Variants in PTPRK observed in about 807,000 individuals in gnomAD.
PTPRK encodes receptor-type tyrosine-protein phosphatase kappa.
Under a neutral mutation model 178.0 loss-of-function variants are expected in PTPRK, and 75 were observed. The ratio of observed to expected loss-of-function variants is 0.42; its 90% CI spans 0.35 to 0.51. The LOEUF is 0.51. Among genes scored for constraint, PTPRK ranks in the 20% least tolerant of loss-of-function variants. The probability of loss-of-function intolerance (pLI) is 0.02; values close to 1 mark genes in which losing one functional copy is unlikely to be tolerated. For synonymous variants in PTPRK, 637 were observed against 620.6 expected, an observed-to-expected ratio of 1.03 and a Z score of -0.39; for missense variants, 1,441 against 1,797.8, an observed-to-expected ratio of 0.80 and a Z score of 3.59.
At chr6:128,020,642 A>G (rs1392686461) in intron 13 of PTPRK, among the ~76,000 whole-genome samples, 1 of 152,240 alleles carries the variant, frequency 6.6e-6, no homozygotes, top group Non-Finnish European at 1.5e-5. Flanking sequence ...GAACAAAATC[A>G]CATTTGAATA....
At chr6:128,226,340 G>A (rs1223990023) in intron 5 of PTPRK, among the ~76,000 whole-genome samples, 1 of 152,114 alleles carries the variant, frequency 6.6e-6, no homozygotes, top group African/African-American at 2.4e-5. Context: ...CAATATCTAA[G>A]CAAATAATCT....
intron 28 of PTPRK, 124 bp from the exon 29 acceptor site, chr6:127,973,281 T>C (rs1285326160): frequency 2.7e-6 from 4 of 1,489,608 alleles, no homozygotes; most frequent in Non-Finnish European, 3.6e-6. Context: ...GTGTCTTAAT[T>C]TTGCTTTATA....
chr6:128,501,504 T>A lies in PTPRK; in HGVS notation c.100+18755A>T, dbSNP rs138793283. Among the ~76,000 whole-genome samples, 379 of 152,302 alleles carry A rather than the reference T, an allele frequency of 2.5e-3. 3 individuals are homozygous for A. Among genetic ancestry groups the A allele is most frequent in the Middle Eastern group, 0.01 (3 of 294 alleles). ...AACTTTCTTACAATATGCCTTAAAATGTGAATATCTTAGTTTTAGACACTA... is the reference window on the plus strand; with the variant it reads ...AACTTTCTTACAATATGCCTTAAAAAGTGAATATCTTAGTTTTAGACACTA... On this transcript the variant is annotated intron_variant, in intron 1 of 29. Transcript: ENST00000368226.
At chr6:128,057,109 A>C (rs2114899149) in intron 13 of PTPRK, among the ~76,000 whole-genome samples, 1 of 152,278 alleles carries the variant, frequency 6.6e-6, no homozygotes, top group South Asian at 2.1e-4. Context: ...ATTATCCCTC[A>C]GATTTCTCTC....
At chr6:128,401,961 T>C (rs1193171081) in intron 1 of PTPRK, among the ~76,000 whole-genome samples, 1 of 152,204 alleles carries the variant, frequency 6.6e-6, no homozygotes, top group Non-Finnish European at 1.5e-5. Context: ...GGAATGATCT[T>C]TCTTCCATTC....
intron 1 of PTPRK, among the ~76,000 whole-genome samples, chr6:128,471,929 G>A (rs1850722450): frequency 6.6e-6 from 1 of 151,912 alleles, no homozygotes; most frequent in Non-Finnish European, 1.5e-5. Flanking sequence ...CAGCTTATGA[G>A]CGGGCAATAA....
chr6:128,197,680 A>G (rs1805142063), intron 6 of PTPRK, among the ~76,000 whole-genome samples: 1 of 152,074 alleles, frequency 6.6e-6, no homozygotes, highest in Admixed American at 6.6e-5. Context: ...TGATATTCAA[A>G]TTACACTCAG....
Position 127,992,695 on chromosome 6 carries a change from T to C in PTPRK, c.2859A>G (p.Pro953=), listed in dbSNP as rs765387331. 2 of 1,584,506 alleles carry C rather than the reference T, an allele frequency of 1.3e-6. No homozygotes were observed. The highest frequency in any genetic ancestry group is 1.7e-6 in the Non-Finnish European group (2 of 1,167,578). ...TACCTTGGGTTGCAATGTAATGACT[T>C]GGTCTCTGGTAGCCCTAAAATAAGA... The part of the protein sequence containing the change: ...NANYIDGYQR[P]SHYIATQGPV... Residue 953 remains proline, a synonymous_variant, in exon 19 of 30, where the codon CCA becomes CCG. Coordinates refer to ENST00000368226, the MANE Select transcript of PTPRK (RefSeq NM_002844.4).
chr6:128,058,224 T>C lies in PTPRK; in HGVS notation c.2194+6534A>G, dbSNP rs566082228. ...GGGACATGGGTTTACTTTCAGTCCA[T>C]GTTGCTAGACAGTTTTCCAAAGTGG... On this transcript the variant is annotated intron_variant, in intron 13 of 29. Coordinates refer to ENST00000368226, the MANE Select transcript of PTPRK (RefSeq NM_002844.4). 2.8e-3 allele frequency among the ~76,000 whole-genome samples: 422 copies of C among 152,340 alleles called. 5 individuals are homozygous for C. The highest frequency in any genetic ancestry group is 9.7e-3 in the African/African-American group (403 of 41,570).
intron 6 of PTPRK, among the ~76,000 whole-genome samples, chr6:128,202,110 G>A (rs1433303318): frequency 6.6e-6 from 1 of 152,196 alleles, no homozygotes; most frequent in African/African-American, 2.4e-5. Flanking sequence ...CGAAGGCAGA[G>A]AGTGAATTCA....
intron 7 of PTPRK, among the ~76,000 whole-genome samples, chr6:128,175,277 T>C (rs1800890244): frequency 6.6e-6 from 1 of 151,886 alleles, no homozygotes; most frequent in Non-Finnish European, 1.5e-5. Context: ...AAGCACTTAC[T>C]TGCACTAAAA....
At chr6:128,009,303 G>T in intron 13 of PTPRK, 35 bp from the exon 14 acceptor site, 1 of 1,584,502 alleles carries the variant, frequency 6.3e-7, no homozygotes, top group South Asian at 1.1e-5. Context: ...GTTACTGAAA[G>T]AAGCTAATAA....
chr6:128,203,244 C>T (rs145522090), intron 6 of PTPRK, among the ~76,000 whole-genome samples: 281 of 152,214 alleles, frequency 1.8e-3, no homozygotes, highest in African/African-American at 6.7e-3. Flanking sequence ...GTTAAAAACT[C>T]TCAATAAACC....
intron 3 of PTPRK, among the ~76,000 whole-genome samples, chr6:128,276,741 G>A (rs1820786488): frequency 6.6e-6 from 1 of 152,036 alleles, no homozygotes; most frequent in African/African-American, 2.4e-5. Context: ...AGAAGGAGTT[G>A]CGTATCTTTC....
intron 7 of PTPRK, among the ~76,000 whole-genome samples, chr6:128,121,413 C>G (rs577133413): frequency 6.6e-6 from 1 of 151,986 alleles, no homozygotes; most frequent in African/African-American, 2.4e-5. Context: ...AATGACAACA[C>G]TTGAATGATG....
chr6:128,399,955 TC>T (rs1210884801), intron 1 of PTPRK, among the ~76,000 whole-genome samples: 6 of 152,318 alleles, frequency 3.9e-5, no homozygotes, highest in African/African-American at 1.4e-4. Context: ...ATTTTTAATT[TC>T]TAATTTACAA....
At chr6:128,461,021 A>C (rs1011812900) in intron 1 of PTPRK, among the ~76,000 whole-genome samples, 1 of 152,204 alleles carries the variant, frequency 6.6e-6, no homozygotes, top group African/African-American at 2.4e-5. Context: ...GTAAAAGAAA[A>C]AAATGAAGCT....
At chr6:128,408,413 C>T (rs1033118950) in intron 1 of PTPRK, among the ~76,000 whole-genome samples, 4 of 151,934 alleles carry the variant, frequency 2.6e-5, no homozygotes, top group Admixed American at 1.3e-4. Flanking sequence ...AAAACTACCC[C>T]TAATTAATGT....
At chr6:128,126,536 G>C (rs925081020) in intron 7 of PTPRK, among the ~76,000 whole-genome samples, 2 of 152,110 alleles carry the variant, frequency 1.3e-5, no homozygotes, top group African/African-American at 4.8e-5. Context: ...GCCTAGGCTA[G>C]AGTGCAGTGG....
Sources: allele counts gnomAD v4.1 joint callset (sites outside exome capture counted in the v4.1 genomes callset), GRCh38; gene constraint gnomAD v4.1.1; transcripts MANE v1.5; gene names NCBI Gene and HGNC (gene_info 2026-07-23, HGNC 2026-07-21).